Variants in ST8SIA6 observed in about 807,000 individuals in gnomAD.
The protein encoded by ST8SIA6 is alpha-2,8-sialyltransferase 8F.
ST8SIA6 carries 39 observed loss-of-function variants against 33.6 expected under a neutral mutation model. That is an observed-to-expected ratio of 1.16 (90% CI 0.90 to 1.52). ST8SIA6 has a LOEUF of 1.52. Among genes scored for constraint, ST8SIA6 ranks in the 40% most tolerant of loss-of-function variants. The pLI is 0.00. For missense variants in ST8SIA6, 441 were observed against 443.8 expected (o/e 0.99, Z 0.06); for synonymous variants, 172 against 167.2 (o/e 1.03, Z -0.22).
chr10:17,388,049 A>G (rs1850445319), intron 3 of ST8SIA6, among the ~76,000 whole-genome samples: 1 of 152,216 alleles, frequency 6.6e-6, no homozygotes, highest in South Asian at 2.1e-4. Flanking sequence ...CAAAGCAGAG[A>G]CAGGCTTGGG....
intron 2 of ST8SIA6, among the ~76,000 whole-genome samples, chr10:17,415,803 CTTT>C (rs968920842): frequency 4.3e-5 from 4 of 92,232 alleles, no homozygotes; most frequent in Non-Finnish European, 8.2e-5. Flanking sequence ...CCTCACTTGT[CTTT>C]TTTTTTTTTT....
At chr10:17,411,290 T>A (rs1193921842) in intron 2 of ST8SIA6, among the ~76,000 whole-genome samples, 1 of 152,034 alleles carries the variant, frequency 6.6e-6, no homozygotes, top group Non-Finnish European at 1.5e-5. Context: ...TTCAAGCAAT[T>A]CTTCTGCCTC....
chr10:17,340,044 A>T (rs1848622772), intron 4 of ST8SIA6, among the ~76,000 whole-genome samples: 1 of 152,252 alleles, frequency 6.6e-6, no homozygotes, highest in South Asian at 2.1e-4. Flanking sequence ...CCAGAATTCA[A>T]ACTATTCCTC....
At position 17,319,491 on chromosome 10, in the gene ST8SIA6, T is replaced by G. The variant is rs912581986; in HGVS notation, c.*1387A>C. 3.3e-5 allele frequency among the ~76,000 whole-genome samples: 5 copies of G among 152,202 alleles called. No individual in the cohort carries two copies. Among genetic ancestry groups the G allele is most frequent in the Non-Finnish European group, 1.5e-5 (1 of 68,030 alleles). ...TCAGATGTGTTAACTTGGAAATGTC[T>G]ACAATTTTCTCCACAAAAGAAAACC... On this transcript the variant is annotated 3_prime_UTR_variant, in exon 8 of 8. Coordinates refer to ENST00000377602, the MANE Select transcript of ST8SIA6 (RefSeq NM_001004470.3).
In ST8SIA6 at chr10:17,341,381, A is replaced by G. The variant is rs187542091; in HGVS notation, c.378-9829T>C. The stretch of plus-strand genomic sequence containing the variant: ...GGAGAAGAGCAGATTCGGAGGATTC[A>G]GTAGCTCTCTTCAAATATTTTAAGG... On this transcript the variant is annotated intron_variant, in intron 4 of 7. Transcript: ENST00000377602. Among the ~76,000 whole-genome samples the G allele has an allele frequency of 2.9e-3, 447 of 152,324 alleles. 1 individual carries two copies. The highest frequency in any genetic ancestry group is 9.5e-3 in the African/African-American group (396 of 41,578).
intron 4 of ST8SIA6, among the ~76,000 whole-genome samples, chr10:17,342,636 G>A (rs577060712): frequency 6.6e-6 from 1 of 152,184 alleles, no homozygotes; most frequent in Non-Finnish European, 1.5e-5. Context: ...GGAGGAAGGA[G>A]ACTTGTGATA....
intron 2 of ST8SIA6, among the ~76,000 whole-genome samples, chr10:17,421,571 AT>A (rs527780315): frequency 1.0e-4 from 15 of 147,618 alleles, no homozygotes; most frequent in African/African-American, 2.7e-4. Flanking sequence ...CTTAAACTTA[AT>A]TTTTTTTTAA....
intron 2 of ST8SIA6, among the ~76,000 whole-genome samples, chr10:17,426,212 G>A (rs1053212905): frequency 6.6e-6 from 1 of 152,148 alleles, no homozygotes; most frequent in Admixed American, 6.6e-5. Flanking sequence ...CTGCCCTGCT[G>A]TGAACATGTG....
intron 7 of ST8SIA6, among the ~76,000 whole-genome samples, chr10:17,322,238 A>T (rs1847983173): frequency 1.3e-5 from 1 of 76,594 alleles, no homozygotes; most frequent in Non-Finnish European, 2.9e-5. Context: ...AAGAAAAAGA[A>T]AGAGAAAAAG....
At chr10:17,349,414 A>C (rs182911528) in intron 4 of ST8SIA6, among the ~76,000 whole-genome samples, 127 of 152,334 alleles carry the variant, frequency 8.3e-4, no homozygotes, top group Non-Finnish European at 1.4e-3. Context: ...CAGAAAAATG[A>C]TATTAAACTG....
chr10:17,322,764 C>T (rs2131574572), intron 7 of ST8SIA6, among the ~76,000 whole-genome samples: 1 of 152,106 alleles, frequency 6.6e-6, no homozygotes, highest in South Asian at 2.1e-4. Context: ...AAGAGTAATG[C>T]TAACACTCTA....
At chr10:17,365,635 A>T (rs1016420868) in intron 3 of ST8SIA6, among the ~76,000 whole-genome samples, 1 of 152,188 alleles carries the variant, frequency 6.6e-6, no homozygotes, top group African/African-American at 2.4e-5. Context: ...CATCTCAGTT[A>T]TGAAACTGAA....
intron 2 of ST8SIA6, among the ~76,000 whole-genome samples, chr10:17,415,879 G>A (rs1347860927): frequency 7.0e-6 from 1 of 143,788 alleles, no homozygotes; most frequent in African/African-American, 2.6e-5. Flanking sequence ...GCATGATATC[G>A]GCTCACTGCA....
Position 17,454,219 on chromosome 10 carries a change from T to TGGCGAGCAG in ST8SIA6, c.28_36dup (p.Leu10_Ala12dup), listed in dbSNP as rs1588944008. 3.7e-6 allele frequency: 1 copy of TGGCGAGCAG among 270,234 alleles called. No homozygotes were observed. Among genetic ancestry groups the TGGCGAGCAG allele is most frequent in the Non-Finnish European group, 6.8e-6 (1 of 146,292 alleles). The allele number at this position is 270,234 out of a possible 1,614,324, so 16.7% of individuals were successfully genotyped here. The stretch of plus-strand genomic sequence containing the variant: ...CGCAGCAGCAGCAGCAGCAGCAGGC[T>TGGCGAGCAG]GGCGAGCAGGGCGAGCAGTGCGCCC... On this transcript the variant is annotated inframe_insertion, in exon 1 of 8. Transcript: ENST00000377602. The surrounding 1 kb of genome is among the most constrained non-coding windows in gnomAD (Gnocchi z 4.1).
chr10:17,333,706 T>C (rs1452864012), intron 4 of ST8SIA6, among the ~76,000 whole-genome samples: 1 of 30,846 alleles, frequency 3.2e-5, no homozygotes, highest in Non-Finnish European at 5.7e-5. Flanking sequence ...TATATATATA[T>C]ATATATATAT....
intron 3 of ST8SIA6, among the ~76,000 whole-genome samples, chr10:17,368,164 G>A (rs922054960): frequency 6.7e-6 from 1 of 150,206 alleles, no homozygotes; most frequent in African/African-American, 2.5e-5. Flanking sequence ...GGGAGGCCAA[G>A]GCGAGTGGAT....
intron 2 of ST8SIA6, among the ~76,000 whole-genome samples, chr10:17,423,700 T>C (rs1197814950): frequency 6.8e-6 from 1 of 148,006 alleles, no homozygotes; most frequent in African/African-American, 2.4e-5. Context: ...GGCATGCCCC[T>C]CCCACCCCTT....
At chr10:17,378,996 G>T (rs1456838856) in intron 3 of ST8SIA6, among the ~76,000 whole-genome samples, 1 of 152,000 alleles carries the variant, frequency 6.6e-6, no homozygotes, top group Non-Finnish European at 1.5e-5. Flanking sequence ...CGTGGTGGCA[G>T]GCGCCTGTAG....
At chr10:17,406,404 C>G (rs1320158028) in intron 2 of ST8SIA6, among the ~76,000 whole-genome samples, 6 of 152,174 alleles carry the variant, frequency 3.9e-5, no homozygotes, top group African/African-American at 1.4e-4. Context: ...TCCCCTTTGT[C>G]TTGTCACTTC....
Sources: allele counts gnomAD v4.1 joint callset (sites outside exome capture counted in the v4.1 genomes callset), GRCh38; gene constraint gnomAD v4.1.1; non-coding constraint Gnocchi (gnomAD v3.1); transcripts MANE v1.5; gene names NCBI Gene and HGNC (gene_info 2026-07-23, HGNC 2026-07-21).